The following C5 variants were observed in gnomAD, a reference collection of about 807,000 sequenced individuals.
The protein encoded by C5 is complement C5, also known as C3 and PZP-like alpha-2-macroglobulin domain-containing protein 4.
A neutral mutation model predicts 218.8 loss-of-function variants in C5; 140 were observed. The ratio of observed to expected loss-of-function variants is 0.64; its 90% CI spans 0.56 to 0.74. The LOEUF is 0.74. Among genes scored for constraint, C5 ranks in the 30% least tolerant of loss-of-function variants. The pLI is 0.00. For synonymous variants in C5, 614 were observed against 682.3 expected (o/e 0.90, Z 1.56); for missense variants, 1,700 against 1,969.6 (o/e 0.86, Z 2.59).
chr9:121,023,339 C>T (rs2047383058), intron 10 of C5, 65 bp downstream of exon 10: 2 of 1,021,192 alleles, frequency 2.0e-6, no homozygotes, highest in Non-Finnish European at 3.1e-6. Flanking sequence ...TTGCCACCCA[C>T]ATGTTTTCCA....
chr9:121,044,029 G>A (rs2047604074), intron 2 of C5, among the ~76,000 whole-genome samples: 1 of 152,112 alleles, frequency 6.6e-6, no homozygotes, highest in East Asian at 1.9e-4. Flanking sequence ...TGGAAACACG[G>A]GATGAAAGTT....
In C5 at chr9:121,013,318, G is replaced by GGAAAAAA. The variant is rs775252391; in HGVS notation, c.2257+554_2257+555insTTTTTTC. The stretch of plus-strand genomic sequence containing the variant: ...TGGGTGACAGAGCCAGATTCCTACT[G>GGAAAAAA]AAAAAAAAAAAAAAAAAGACTATAT... On this transcript the variant is annotated intron_variant, in intron 17 of 40. Coordinates refer to ENST00000223642, the MANE Select transcript of C5 (RefSeq NM_001735.3). Among the ~76,000 whole-genome samples, 66 of 99,238 alleles carry GGAAAAAA rather than the reference G, an allele frequency of 6.7e-4. 1 individual carries two copies. The highest frequency in any genetic ancestry group is 1.1e-3 in the East Asian group (3 of 2,816). The allele number at this position is 99,238 out of a possible 152,430, so 65.1% of individuals were successfully genotyped here. A position where few individuals can be genotyped will look rare whatever the true frequency, so the allele number is the denominator to read the frequency against.
chr9:120,970,790 C>T (rs1564134854), intron 31 of C5, among the ~76,000 whole-genome samples: 1 of 152,142 alleles, frequency 6.6e-6, no homozygotes, highest in African/African-American at 2.4e-5. Context: ...AAGATAAGAG[C>T]GTGATTAAAA....
Position 121,023,452 on chromosome 9 carries a change from C to A in C5, c.1068G>T (p.Leu356Phe). Residue 356 changes from leucine (L) to phenylalanine (F), a missense_variant, in exon 10 of 41, where the codon TTG becomes TTT. Coordinates refer to ENST00000223642, the MANE Select transcript of C5 (RefSeq NM_001735.3). ...KYVLSPYKLN[L>F]VATPLFLKPG... ...GCTTCAGGAAAAGAGGAGTAGCAAC[C>A]AAATTCAGTTTGTAGGGAGAGAGGA... 6.2e-7 allele frequency: 1 copy of A among 1,614,008 alleles called. No homozygotes were observed.
chr9:120,963,805 C>A, intron 33 of C5, 67 bp from the exon 34 acceptor site: 1 of 1,218,104 alleles, frequency 8.2e-7, no homozygotes, highest in South Asian at 1.3e-5. Flanking sequence ...AAAGGACACT[C>A]TTCCTTAGTA....
intron 19 of C5, among the ~76,000 whole-genome samples, chr9:121,006,608 G>A (rs1485643915): frequency 6.6e-6 from 1 of 152,008 alleles, no homozygotes; most frequent in African/African-American, 2.4e-5. Context: ...TTTGGAAGGT[G>A]GAGGTGGGAA....
At chr9:121,059,620 T>C in the C5 span, among the ~76,000 whole-genome samples, 1 of 152,256 alleles carries the variant, frequency 6.6e-6, no homozygotes, top group African/African-American at 2.4e-5. This position sits in a 1 kb window ranked among gnomAD's most constrained non-coding sequence, Gnocchi z 4.1. Flanking sequence ...TTCATGCCTC[T>C]GTGTGGTCCC....
intron 16 of C5, among the ~76,000 whole-genome samples, chr9:121,014,285 G>T (rs1332292693): frequency 1.3e-5 from 2 of 152,116 alleles, no homozygotes; most frequent in African/African-American, 4.8e-5. Context: ...CACACTAAAT[G>T]GTTAAAGGGT....
rs763483540 is a variant in C5, at chr9:121,008,273, A to G, written c.2348+135T>C. On this transcript the variant is annotated intron_variant, in intron 18 of 40. Coordinates refer to ENST00000223642, the MANE Select transcript of C5 (RefSeq NM_001735.3). ...ATTTAAAAAAGCAAAGCAAAACAAA[A>G]CAAAATTTGATCAAATTGCAGGATC... 5.4e-4 allele frequency: 385 copies of G among 706,442 alleles called. 2 individuals are homozygous for G. Among genetic ancestry groups the G allele is most frequent in the South Asian group, 1.4e-3 (87 of 60,292 alleles). 43.8% of individuals were successfully genotyped at this position (706,442 alleles called of 1,614,324 possible). A position where few individuals can be genotyped will look rare whatever the true frequency, so the allele number is the denominator to read the frequency against.
intron 3 of C5, among the ~76,000 whole-genome samples, chr9:121,039,961 C>G (rs1054425695): frequency 6.6e-6 from 1 of 152,206 alleles, no homozygotes; most frequent in Non-Finnish European, 1.5e-5. Flanking sequence ...ATGTGCCAGT[C>G]ATTATGCTAC....
chr9:121,048,702 T>C (rs1340829301), intron 1 of C5, among the ~76,000 whole-genome samples: 1 of 152,182 alleles, frequency 6.6e-6, no homozygotes, highest in African/African-American at 2.4e-5. Context: ...ATCAGTAGCA[T>C]AATCTATCCA....
chr9:120,954,898 C>T (rs574636196), intron 39 of C5, among the ~76,000 whole-genome samples: 23 of 152,272 alleles, frequency 1.5e-4, no homozygotes, highest in African/African-American at 4.8e-4. Context: ...GCAACATTAC[C>T]AGTACTATCT....
Position 121,017,403 on chromosome 9 carries a change from C to G in C5, c.1825G>C (p.Val609Leu). 1.2e-6 allele frequency: 2 copies of G among 1,614,012 alleles called. No homozygotes were observed. Among genetic ancestry groups the G allele is most frequent in the Non-Finnish European group, 1.7e-6 (2 of 1,179,972 alleles). ...TTGGCTCCTCTTTGGACTCCATACA[C>G]AGCACTGTCCACTGCTGCTAATGCC... Reference protein sequence around the residue: ...WVALAAVDSAVYGVQRGAKKP... With the variant: ...WVALAAVDSALYGVQRGAKKP... The change falls in exon 14 of 41, where the codon GTG becomes CTG. Residue 609 changes from valine (V) to leucine (L), a missense_variant. Coordinates refer to ENST00000223642, the MANE Select transcript of C5 (RefSeq NM_001735.3).
intron 12 of C5, among the ~76,000 whole-genome samples, chr9:121,018,851 A>G (rs1347057958): frequency 2.6e-5 from 4 of 152,144 alleles, no homozygotes; most frequent in African/African-American, 9.7e-5. Context: ...GAACTTTAAC[A>G]TGTATTTAAC....
chr9:120,957,193 G>C (rs2046792265), intron 39 of C5, 92 bp downstream of exon 39: 9 of 876,598 alleles, frequency 1.0e-5, no homozygotes, highest in Non-Finnish European at 1.7e-5. Flanking sequence ...TCTTATTTGA[G>C]TTGTATCTTC....
rs781191169 is a variant in C5 at position 120,997,713 on chromosome 9, T to C, written c.2624A>G (p.His875Arg). Residue 875 changes from histidine (H) to arginine (R), a missense_variant, in exon 21 of 41, where the codon CAT (histidine) becomes CGT (arginine). Coordinates refer to ENST00000223642, the MANE Select transcript of C5 (RefSeq NM_001735.3). ...ACATTTGGAGGACTTTGTGCCCTGA[T>C]GATCAATGACTGGGCTTTCCGAAGT... ...ICTSESPVIDHQGTKSSKCVR... is the reference protein window; with the variant it reads ...ICTSESPVIDRQGTKSSKCVR... 3 of 1,614,202 alleles carry C rather than the reference T, an allele frequency of 1.9e-6. No homozygotes were observed. Among genetic ancestry groups the C allele is most frequent in the East Asian group, 2.2e-5 (1 of 44,886 alleles).
intron 28 of C5, among the ~76,000 whole-genome samples, chr9:120,978,845 C>T (rs985372415): frequency 1.3e-5 from 2 of 152,156 alleles, no homozygotes; most frequent in Non-Finnish European, 2.9e-5. Context: ...CTCCCCTTTT[C>T]ACTCTCAAAG....
intron 16 of C5, among the ~76,000 whole-genome samples, chr9:121,014,986 A>AGG (rs2047294140): frequency 2.0e-5 from 3 of 152,204 alleles, no homozygotes; most frequent in Admixed American, 1.3e-4. Flanking sequence ...TTGAAGTAAT[A>AGG]AAGACCTATT....
At chr9:120,996,146 A>T in intron 22 of C5, 94 bp downstream of exon 22, 2 of 999,410 alleles carry the variant, frequency 2.0e-6, no homozygotes, top group Admixed American at 3.4e-5. Flanking sequence ...ATTTTAGACA[A>T]TTCACTTTCT....
Sources: gnomAD v4.1 joint callset for allele counts (sites outside exome capture counted in the v4.1 genomes callset) on GRCh38, gnomAD v4.1.1 for gene constraint, Gnocchi (gnomAD v3.1) non-coding constraint, MANE v1.5 for transcripts, NCBI Gene and HGNC (gene_info 2026-07-23, HGNC 2026-07-21) for gene names.